Variants in PTPRD observed in about 807,000 individuals in gnomAD.
PTPRD encodes receptor-type tyrosine-protein phosphatase delta.
A neutral mutation model predicts 214.5 loss-of-function variants in PTPRD; 34 were observed. The observed-to-expected ratio is 0.16, with a 90% CI of 0.12 to 0.21. The LOEUF is 0.21. PTPRD is among the 10% of genes least tolerant of loss of function. PTPRD has a pLI of 1.00. For missense variants in PTPRD, 2,545 were observed against 2,398.7 expected, an observed-to-expected ratio of 1.06 and a Z score of -1.27; for synonymous variants, 1,128 against 845.7, an observed-to-expected ratio of 1.33 and a Z score of -5.79.
chr9:10,566,315 A>T (rs1360356758), intron 2 of PTPRD, among the ~76,000 whole-genome samples: 1 of 151,926 alleles, frequency 6.6e-6, no homozygotes, highest in Non-Finnish European at 1.5e-5. Flanking sequence ...GGGTGTGTAT[A>T]TTGTCAGCTT....
intron 4 of PTPRD, among the ~76,000 whole-genome samples, chr9:9,947,542 A>AATATATATATTATATATATTTTATATAT (rs2092894957): frequency 4.9e-5 from 1 of 20,386 alleles, no homozygotes; most frequent in African/African-American, 3.9e-4. Context: ...TTTATATATA[A>AATATATATATTATATATATTTTATATAT]TATATATATT....
chr9:8,719,748 C>T (rs1436574538), intron 12 of PTPRD, among the ~76,000 whole-genome samples: 1 of 151,968 alleles, frequency 6.6e-6, no homozygotes, highest in African/African-American at 2.4e-5. Context: ...AAAACATTTG[C>T]TGACCTCTGG....
chr9:9,738,104 A>G (rs2761729), intron 6 of PTPRD, among the ~76,000 whole-genome samples: 117,298 of 150,664 alleles, frequency 0.78, 46,537 homozygotes, highest in African/African-American at 0.93. Context: ...GCCTGTTGTG[A>G]GGTGGGGGGA....
chr9:10,051,876 T>A (rs1419630591), intron 3 of PTPRD, among the ~76,000 whole-genome samples: 1 of 152,192 alleles, frequency 6.6e-6, no homozygotes, highest in African/African-American at 2.4e-5. Flanking sequence ...AATTTTCAAA[T>A]TCACATATTA....
At chr9:8,572,396 G>A (rs920877989) in intron 14 of PTPRD, among the ~76,000 whole-genome samples, 1 of 152,012 alleles carries the variant, frequency 6.6e-6, no homozygotes. Flanking sequence ...ATTTTAACAT[G>A]AGTGCAGTGA....
intron 5 of PTPRD, among the ~76,000 whole-genome samples, chr9:9,919,112 C>A (rs537065358): frequency 6.6e-6 from 1 of 151,960 alleles, no homozygotes; most frequent in African/African-American, 2.4e-5. Flanking sequence ...AAATGAATGA[C>A]AATATTTGAT....
chr9:8,544,088 T>C (rs529865070), intron 14 of PTPRD, among the ~76,000 whole-genome samples: 3 of 152,024 alleles, frequency 2.0e-5, no homozygotes, highest in East Asian at 1.9e-4. Flanking sequence ...TGAAGGTTCA[T>C]AGACTTCCAT....
chr9:9,296,906 T>C lies in PTPRD; in HGVS notation c.-203+100543A>G, dbSNP rs1267222232. Among the ~76,000 whole-genome samples, 4 of 151,780 alleles carry C rather than the reference T, an allele frequency of 2.6e-5. No individual in the cohort carries two copies. In the South Asian group the frequency reaches 6.2e-4, roughly 24 times the overall value. ...TGGGAGGTTCTAGAAGATATTAAAATGTGGCATGAGACAGCTCCATCTAAA... is the reference window on the plus strand; with the variant it reads ...TGGGAGGTTCTAGAAGATATTAAAACGTGGCATGAGACAGCTCCATCTAAA... On this transcript the variant is annotated intron_variant, in intron 9 of 45. Coordinates refer to ENST00000381196, the MANE Select transcript of PTPRD (RefSeq NM_002839.4).
At chr9:9,699,149 G>T (rs1306050537) in intron 7 of PTPRD, among the ~76,000 whole-genome samples, 1 of 151,762 alleles carries the variant, frequency 6.6e-6, no homozygotes, top group Non-Finnish European at 1.5e-5. Flanking sequence ...TATTTTCGTT[G>T]TGGTTATCAT....
chr9:9,806,237 C>T (rs1241086689), intron 5 of PTPRD, among the ~76,000 whole-genome samples: 1 of 152,012 alleles, frequency 6.6e-6, no homozygotes, highest in Non-Finnish European at 1.5e-5. Context: ...CGTTATCACA[C>T]TGTCTCTCTA....
intron 11 of PTPRD, among the ~76,000 whole-genome samples, chr9:8,781,339 G>C (rs1172664667): frequency 1.3e-5 from 2 of 152,092 alleles, no homozygotes; most frequent in East Asian, 1.9e-4. Context: ...CTGTGGTGTG[G>C]TATCCATATT....
intron 7 of PTPRD, 59 bp downstream of exon 7, chr9:9,734,474 G>A (rs1295920292): frequency 6.6e-6 from 1 of 151,830 alleles, no homozygotes. Flanking sequence ...CCAAGGAATA[G>A]TGACAAACAA....
chr9:9,790,680 G>C (rs990913313), intron 5 of PTPRD, among the ~76,000 whole-genome samples: 1 of 152,154 alleles, frequency 6.6e-6, no homozygotes, highest in Non-Finnish European at 1.5e-5. Context: ...AATTATGTTA[G>C]CTTGAAATTA....
At chr9:8,518,931 C>T (rs956825157) in intron 20 of PTPRD, among the ~76,000 whole-genome samples, 1 of 151,854 alleles carries the variant, frequency 6.6e-6, no homozygotes, top group African/African-American at 2.4e-5. Context: ...TAGCCCCTTG[C>T]CCCAATAAAT....
At chr9:8,502,596 A>G (rs12555709) in intron 23 of PTPRD, among the ~76,000 whole-genome samples, 25,663 of 152,018 alleles carry the variant, frequency 0.17, 2,381 homozygotes, top group East Asian at 0.34. Flanking sequence ...AGGGGTTCTT[A>G]TATCTCAAAT....
At chr9:8,776,354 G>A (rs1049392786) in intron 11 of PTPRD, among the ~76,000 whole-genome samples, 1 of 152,158 alleles carries the variant, frequency 6.6e-6, no homozygotes, top group South Asian at 2.1e-4. Context: ...CCAGGCTGGA[G>A]TGCAATGGTG....
intron 2 of PTPRD, among the ~76,000 whole-genome samples, chr9:10,346,294 T>C (rs1220196068): frequency 6.6e-6 from 1 of 152,168 alleles, no homozygotes; most frequent in East Asian, 1.9e-4. Context: ...CCTTGTTATG[T>C]CCAGGAATGA....
intron 8 of PTPRD, among the ~76,000 whole-genome samples, chr9:9,428,305 G>C (rs1208519596): frequency 1.3e-5 from 2 of 152,042 alleles, no homozygotes; most frequent in Non-Finnish European, 2.9e-5. Context: ...AAGATCAGAA[G>C]AGACAAAAAA....
chr9:9,419,910 C>T (rs2142396881), intron 8 of PTPRD, among the ~76,000 whole-genome samples: 1 of 151,660 alleles, frequency 6.6e-6, no homozygotes, highest in South Asian at 2.1e-4. Context: ...AACAACTGAA[C>T]AAAGTATAAC....
Sources: allele counts gnomAD v4.1 joint callset (sites outside exome capture counted in the v4.1 genomes callset), GRCh38; gene constraint gnomAD v4.1.1; transcripts MANE v1.5; gene names NCBI Gene and HGNC (gene_info 2026-07-23, HGNC 2026-07-21).